UNC5D: variants seen among roughly 807,000 people sequenced by gnomAD.
UNC5D encodes the protein netrin receptor UNC5D.
UNC5D carries 39 observed loss-of-function variants against 105.4 expected under a neutral mutation model. The ratio of observed to expected loss-of-function variants is 0.37; its 90% CI spans 0.29 to 0.48. The LOEUF is 0.48. UNC5D is among the 20% of genes least tolerant of loss of function. The probability of loss-of-function intolerance (pLI) is 0.98; values close to 1 mark genes in which losing one functional copy is unlikely to be tolerated. For synonymous variants in UNC5D, 452 were observed against 450.4 expected (o/e 1.00, Z -0.04); for missense variants, 991 against 1,202.4 (o/e 0.82, Z 2.60).
At chr8:35,672,888 G>A (rs546537815) in intron 4 of UNC5D, among the ~76,000 whole-genome samples, 1 of 152,264 alleles carries the variant, frequency 6.6e-6, no homozygotes, top group Admixed American at 6.5e-5. Flanking sequence ...CTGAAGCGGG[G>A]AAAGTAAAGG....
At chr8:35,756,893 A>T (rs923541333) in intron 13 of UNC5D, among the ~76,000 whole-genome samples, 2 of 152,190 alleles carry the variant, frequency 1.3e-5, no homozygotes, top group East Asian at 3.9e-4. Flanking sequence ...AGGAAAGTTA[A>T]ATTTAAAGAA....
At chr8:35,485,085 T>C (rs186916195) in intron 1 of UNC5D, among the ~76,000 whole-genome samples, 2 of 152,288 alleles carry the variant, frequency 1.3e-5, no homozygotes, top group East Asian at 1.9e-4. Context: ...TATAATTTCA[T>C]TGGATCGCTC....
intron 1 of UNC5D, among the ~76,000 whole-genome samples, chr8:35,361,626 G>A (rs1801859109): frequency 1.3e-5 from 2 of 152,116 alleles, no homozygotes; most frequent in Admixed American, 1.3e-4. Flanking sequence ...TGCATGAGGA[G>A]GTGATTAGCT....
chr8:35,747,206 A>G (rs1830053629), intron 11 of UNC5D, among the ~76,000 whole-genome samples: 2 of 152,190 alleles, frequency 1.3e-5, no homozygotes, highest in Non-Finnish European at 2.9e-5. Context: ...CGCAGTAGAC[A>G]TAAGATGCTC....
chr8:35,236,232 T>G (rs1802450349), intron 1 of UNC5D, among the ~76,000 whole-genome samples: 1 of 152,144 alleles, frequency 6.6e-6, no homozygotes, highest in Non-Finnish European at 1.5e-5. Flanking sequence ...CCACTTCCTC[T>G]CAAGCCGAGC....
chr8:35,387,533 C>A (rs1275391852), intron 1 of UNC5D, among the ~76,000 whole-genome samples: 2 of 152,046 alleles, frequency 1.3e-5, no homozygotes, highest in African/African-American at 2.4e-5. Flanking sequence ...AGTGCTGGAA[C>A]CTTCTTTAAT....
At chr8:35,417,718 T>C (rs1805620207) in intron 1 of UNC5D, among the ~76,000 whole-genome samples, 2 of 152,200 alleles carry the variant, frequency 1.3e-5, no homozygotes, top group Non-Finnish European at 2.9e-5. Flanking sequence ...TATGATGTCT[T>C]CACCTTTTTG....
In UNC5D at chr8:35,680,852, G is replaced by A. The variant is rs543919436; in HGVS notation, c.571-2695G>A. ...TGACAAACTGTTTGAGGAGAAGCAT[G>A]AAAGAAGAGGACAGCTGAGCGGGGA... On this transcript the variant is annotated intron_variant, in intron 4 of 16. Coordinates refer to ENST00000404895, the MANE Select transcript of UNC5D (RefSeq NM_080872.4). 3.9e-5 allele frequency among the ~76,000 whole-genome samples: 6 copies of A among 152,276 alleles called. No individual in the cohort carries two copies. The South Asian group carries it at 6.2e-4, about 16-fold the overall frequency.
intron 9 of UNC5D, among the ~76,000 whole-genome samples, chr8:35,725,788 C>T (rs930032765): frequency 1.3e-5 from 2 of 152,158 alleles, no homozygotes; most frequent in African/African-American, 2.4e-5. Context: ...ATCTCTCCCC[C>T]CTCTTTTTTT....
intron 3 of UNC5D, among the ~76,000 whole-genome samples, chr8:35,576,259 T>C (rs527514530): frequency 1.3e-5 from 2 of 152,314 alleles, no homozygotes; most frequent in Non-Finnish European, 2.9e-5. Flanking sequence ...GTGTCAGTAA[T>C]GGTGATGGTT....
At chr8:35,252,457 T>A (rs1803771988) in intron 1 of UNC5D, among the ~76,000 whole-genome samples, 1 of 152,184 alleles carries the variant, frequency 6.6e-6, no homozygotes, top group African/African-American at 2.4e-5. Context: ...AATATGTGTG[T>A]ACTCCTAAAC....
intron 1 of UNC5D, among the ~76,000 whole-genome samples, chr8:35,362,798 G>A (rs1178230453): frequency 6.6e-6 from 1 of 152,132 alleles, no homozygotes; most frequent in Non-Finnish European, 1.5e-5. Context: ...TTTGTTGGCT[G>A]TAAGTTCTTC....
Position 35,386,992 on chromosome 8 carries a change from A to G in UNC5D, c.103+151105A>G, listed in dbSNP as rs553167764. Among the ~76,000 whole-genome samples the G allele has an allele frequency of 5.5e-4, 81 of 147,270 alleles. 1 individual carries two copies. The highest frequency in any genetic ancestry group is 1.7e-3 in the African/African-American group (67 of 39,780). On this transcript the variant is annotated intron_variant, in intron 1 of 16. Coordinates refer to ENST00000404895, the MANE Select transcript of UNC5D (RefSeq NM_080872.4). ...TGGAATGTGATTTTTGCAGTTTGCAAATGATGGATGGTGAGAAGGAATTCC... is the reference window on the plus strand; with the variant it reads ...TGGAATGTGATTTTTGCAGTTTGCAGATGATGGATGGTGAGAAGGAATTCC...
At chr8:35,524,504 G>A (rs927324277) in intron 1 of UNC5D, among the ~76,000 whole-genome samples, 2 of 150,714 alleles carry the variant, frequency 1.3e-5, no homozygotes, top group African/African-American at 4.9e-5. Flanking sequence ...AGAGGGATGA[G>A]GTGGGAAGAA....
intron 1 of UNC5D, among the ~76,000 whole-genome samples, chr8:35,303,611 T>C (rs1808124223): frequency 6.6e-6 from 1 of 152,186 alleles, no homozygotes; most frequent in South Asian, 2.1e-4. Context: ...AGTTGTGTAG[T>C]AATGAGAGTT....
At chr8:35,432,346 C>T (rs1806701313) in intron 1 of UNC5D, among the ~76,000 whole-genome samples, 1 of 152,072 alleles carries the variant, frequency 6.6e-6, no homozygotes, top group South Asian at 2.1e-4. Context: ...ATTATTATGA[C>T]ATAGTTTTAT....
In UNC5D at chr8:35,769,719, C is replaced by T. The variant is rs192208205; in HGVS notation, c.2478+2653C>T. Among the ~76,000 whole-genome samples the T allele has an allele frequency of 5.9e-5, 9 of 152,250 alleles. No individual in the cohort carries two copies. The East Asian group carries it at 1.7e-3, about 29-fold the overall frequency. ...GTGGCTGATGCCTGTAATCCCAGCA[C>T]TTTGGGAGGGCGAGGTAGGCGGATC... On this transcript the variant is annotated intron_variant, in intron 15 of 16. Coordinates refer to ENST00000404895, the MANE Select transcript of UNC5D (RefSeq NM_080872.4).
intron 3 of UNC5D, among the ~76,000 whole-genome samples, chr8:35,571,958 G>A (rs758690180): frequency 4.6e-5 from 7 of 151,972 alleles, no homozygotes; most frequent in East Asian, 1.9e-4. Flanking sequence ...TGTTTCCTGC[G>A]TTTAAACAAT....
chr8:35,383,357 G>C (rs1369840907), intron 1 of UNC5D, among the ~76,000 whole-genome samples: 2 of 152,166 alleles, frequency 1.3e-5, no homozygotes, highest in Non-Finnish European at 2.9e-5. Context: ...ACGTAATATA[G>C]TAATTAGATC....
Sources: allele counts gnomAD v4.1 joint callset (sites outside exome capture counted in the v4.1 genomes callset), GRCh38; gene constraint gnomAD v4.1.1; transcripts MANE v1.5; gene names NCBI Gene and HGNC (gene_info 2026-07-23, HGNC 2026-07-21).